Variants in CYP4F22 observed in about 807,000 individuals in gnomAD.
CYP4F22 encodes the protein cytochrome P450 family 4 subfamily F member 22.
In CYP4F22, 37 loss-of-function variants were observed where a neutral mutation model predicts 60.4. The observed-to-expected ratio is 0.61, with a 90% CI of 0.47 to 0.81. CYP4F22 has a LOEUF of 0.81. Among genes scored for constraint, CYP4F22 ranks in the 30% least tolerant of loss-of-function variants. The probability of loss-of-function intolerance (pLI) is 0.00; values close to 1 mark genes in which losing one functional copy is unlikely to be tolerated. For synonymous variants in CYP4F22, 258 were observed against 280.5 expected (o/e 0.92, Z 0.80); for missense variants, 655 against 715.0 (o/e 0.92, Z 0.96).
chr19:15,544,306 G>T (rs766415391), intron 10 of CYP4F22, 27 bp downstream of exon 10: 3 of 1,608,278 alleles, frequency 1.9e-6, no homozygotes, highest in African/African-American at 2.7e-5. Flanking sequence ...GGGAATGGAG[G>T]GGGCAGGTTG....
chr19:15,548,288 GT>G, intron 11 of CYP4F22, 47 bp downstream of exon 11: 1 of 1,612,042 alleles, frequency 6.2e-7, no homozygotes, highest in Non-Finnish European at 8.5e-7. Context: ...CTCCAATGAT[GT>G]AGCTGCTCTA....
intron 8 of CYP4F22, among the ~76,000 whole-genome samples, chr19:15,540,931 A>T (rs1363922073): frequency 6.6e-6 from 1 of 152,198 alleles, no homozygotes; most frequent in South Asian, 2.1e-4. Context: ...CAAAAAACAA[A>T]TAAGTTGGGT....
intron 4 of CYP4F22, among the ~76,000 whole-genome samples, chr19:15,530,100 C>T (rs575194212): frequency 3.3e-5 from 5 of 152,282 alleles, no homozygotes; most frequent in Admixed American, 1.3e-4. Flanking sequence ...GAGCCAGGCA[C>T]GTTTGGATAG....
chr19:15,546,239 G>A (rs1356697128), intron 10 of CYP4F22, among the ~76,000 whole-genome samples: 1 of 152,106 alleles, frequency 6.6e-6, no homozygotes, highest in Non-Finnish European at 1.5e-5. Context: ...GCCTCCCAAA[G>A]TGCTGGGATT....
rs200883622 is a variant in CYP4F22 at position 15,525,445 on chromosome 19, C to A, written c.109C>A (p.Arg37Ser). 7 of 1,614,052 alleles carry A rather than the reference C, an allele frequency of 4.3e-6. No individual in the cohort carries two copies. Among genetic ancestry groups the A allele is most frequent in the Non-Finnish European group, 5.9e-6 (7 of 1,180,036 alleles). Residue 37 changes from arginine to serine, a missense_variant, in exon 3 of 14, where the codon CGC becomes AGC. Physicochemically the swap from Arg to Ser is moderately radical, Grantham distance 110. Around this residue, in one of 3 missense-constraint regions of CYP4F22, gnomAD observed 430 missense variants for 457.1 expected, o/e 0.94. Transcript: ENST00000269703. ...LLLFLLFFLFRLLLRFLRLCR... is the reference protein window; with the variant it reads ...LLLFLLFFLFSLLLRFLRLCR... ...CCTCTTCCTGCTCTTCTTCCTGTTC[C>A]GCCTGCTGCTGCGGTTCCTGAGGCT...
At chr19:15,547,018 G>GTTTTTTGTT (rs1971533920) in intron 10 of CYP4F22, among the ~76,000 whole-genome samples, 1 of 82,330 alleles carries the variant, frequency 1.2e-5, no homozygotes, top group Admixed American at 1.6e-4. Context: ...GCCTGCACCA[G>GTTTTTTGTT]TTTTTTTTTT....
chr19:15,516,365 T>C (rs1971154888), intron 1 of CYP4F22, among the ~76,000 whole-genome samples: 1 of 152,242 alleles, frequency 6.6e-6, no homozygotes, highest in South Asian at 2.1e-4. Context: ...TGCCTTTACC[T>C]ATTTAGGAAA....
At chr19:15,547,474 G>A (rs1345634220) in intron 10 of CYP4F22, among the ~76,000 whole-genome samples, 1 of 152,104 alleles carries the variant, frequency 6.6e-6, no homozygotes, top group Non-Finnish European at 1.5e-5. Context: ...GCCCAGCAGA[G>A]GGCCCAGTGC....
chr19:15,514,521 A>G (rs933876161), intron 1 of CYP4F22, among the ~76,000 whole-genome samples: 2 of 152,122 alleles, frequency 1.3e-5, no homozygotes, highest in African/African-American at 4.8e-5. Flanking sequence ...CCCCGTCTCT[A>G]TTAAAAGTAC....
At position 15,544,296 on chromosome 19, in the gene CYP4F22, G is replaced by A. The variant is rs772412405; in HGVS notation, c.1136+17G>A. ...GCTGGAGTGGTGAGTGTGGGGTCAG[G>A]GGAATGGAGGGGGCAGGTTGAGGCC... On this transcript the variant is annotated intron_variant, in intron 10 of 13. Transcript: ENST00000269703. 7.4e-6 allele frequency: 12 copies of A among 1,611,208 alleles called. No homozygotes were observed. Among genetic ancestry groups the A allele is most frequent in the Non-Finnish European group, 9.3e-6 (11 of 1,179,074 alleles).
chr19:15,527,241 C>T (rs577137482), intron 3 of CYP4F22, among the ~76,000 whole-genome samples: 1 of 152,256 alleles, frequency 6.6e-6, no homozygotes, highest in African/African-American at 2.4e-5. Context: ...AACCACATCC[C>T]TGCCCCTGCT....
At chr19:15,550,110 T>C (rs1971577267) in intron 12 of CYP4F22, among the ~76,000 whole-genome samples, 1 of 152,020 alleles carries the variant, frequency 6.6e-6, no homozygotes, top group Admixed American at 6.6e-5. Context: ...TTTGTATTTT[T>C]AGTAGAGATG....
rs759221556 is a variant in CYP4F22 at position 15,549,191 on chromosome 19, C to T, written c.1324C>T (p.Pro442Ser). The change falls in exon 12 of 14, where the codon CCT (proline) becomes TCT (serine). Residue 442 changes from proline (P) to serine (S), a missense_variant. Around this residue, in one of 3 missense-constraint regions of CYP4F22, gnomAD observed 151 missense variants for 139.4 expected, o/e 1.08. Coordinates refer to ENST00000269703, the MANE Select transcript of CYP4F22 (RefSeq NM_173483.4). ...AACCCACCACAACCCCACAGTGTGG[C>T]CTGACTCCAAGGTGAGTGCCTGCCC... ...YGTHHNPTVW[P>S]DSKVYNPYRF... 1.9e-6 allele frequency: 3 copies of T among 1,613,960 alleles called. No individual in the cohort carries two copies. In the African/African-American group the frequency reaches 4.0e-5, roughly 22 times the overall value.
intron 1 of CYP4F22, among the ~76,000 whole-genome samples, chr19:15,509,854 CTCCTTCCT>C (rs201064190): frequency 0.017 from 1,905 of 110,026 alleles, 46 homozygotes; most frequent in African/African-American, 0.024. Flanking sequence ...GGACCCATCT[CTCCTTCCT>C]TCCTTCCTTC....
In CYP4F22 at chr19:15,551,456, G is replaced by T. The variant is rs769524137; in HGVS notation, c.1581G>T (p.Leu527=). 5.8e-6 allele frequency: 9 copies of T among 1,561,932 alleles called. No homozygotes were observed. The highest frequency in any genetic ancestry group is 2.7e-5 in the African/African-American group (2 of 73,308). ...ENGLWLKVEP[L]PPRA ...GGCTCTGGCTCAAGGTGGAGCCGCT[G>T]CCTCCGCGGGCCTGAGCGTGGGCGC... Residue 527 remains leucine, a synonymous_variant, in exon 14 of 14, where the codon CTG becomes CTT. Transcript: ENST00000269703.
Position 15,523,711 on chromosome 19 carries a change from G to A in CYP4F22, c.-90G>A, listed in dbSNP as rs1379184655. On this transcript the variant is annotated 5_prime_UTR_variant, in exon 2 of 14. Coordinates refer to ENST00000269703, the MANE Select transcript of CYP4F22 (RefSeq NM_173483.4). ...TCCTTAGGAGCTGGCCCTAAAGCAAGGACCTGAGTGCAAGTAATTTTTTTG... is the reference window on the plus strand; with the variant it reads ...TCCTTAGGAGCTGGCCCTAAAGCAAAGACCTGAGTGCAAGTAATTTTTTTG... 6.6e-6 allele frequency: 1 copy of A among 152,158 alleles called. No individual in the cohort carries two copies. The highest frequency in any genetic ancestry group is 1.9e-4 in the East Asian group (1 of 5,192). The allele number at this position is 152,158 out of a possible 1,614,324, so 9.4% of individuals were successfully genotyped here.
intron 2 of CYP4F22, 62 bp from the exon 3 acceptor site, chr19:15,525,274 C>T: frequency 2.0e-6 from 3 of 1,511,420 alleles, no homozygotes; most frequent in Non-Finnish European, 2.7e-6. Context: ...GCACACCATG[C>T]ATTACCCCAT....
chr19:15,551,926 T>G lies in CYP4F22; in HGVS notation c.*455T>G. The stretch of plus-strand genomic sequence containing the variant: ...CCAACTGGCTGAACCCCTGGCAGGC[T>G]TCCAAACTGAGGAAAGCTGGAGCCT... On this transcript the variant is annotated 3_prime_UTR_variant, in exon 14 of 14. Transcript: ENST00000269703. 6.8e-6 allele frequency: 1 copy of G among 147,286 alleles called. No individual in the cohort carries two copies. 9.1% of individuals were successfully genotyped at this position (147,286 alleles called of 1,614,324 possible). A position where few individuals can be genotyped will look rare whatever the true frequency, so the allele number is the denominator to read the frequency against.
chr19:15,513,489 C>G (rs994754197), intron 1 of CYP4F22, among the ~76,000 whole-genome samples: 9 of 150,682 alleles, frequency 6.0e-5, no homozygotes, highest in Admixed American at 2.6e-4. Context: ...CTCAGCCTCC[C>G]GAGTAGCTGG....
Sources: gnomAD v4.1 joint callset for allele counts (sites outside exome capture counted in the v4.1 genomes callset) on GRCh38, gnomAD v4.1.1 for gene constraint, gnomAD v4.1.1 regional missense constraint, MANE v1.5 for transcripts, NCBI Gene and HGNC (gene_info 2026-07-23, HGNC 2026-07-21) for gene names.